CFH: variants seen among roughly 807,000 people sequenced by gnomAD.
CFH encodes the protein H factor 1 (complement).
In CFH, 53 loss-of-function variants were observed where a neutral mutation model predicts 147.3. The ratio of observed to expected loss-of-function variants is 0.36; its 90% confidence interval spans 0.29 to 0.45. The LOEUF (loss-of-function observed/expected upper bound fraction) is 0.45, where lower values mean the gene tolerates loss of function less well. CFH is among the 20% of genes least tolerant of loss of function. The probability of loss-of-function intolerance (pLI) is 1.00; values close to 1 mark genes in which losing one functional copy is unlikely to be tolerated. For missense variants in CFH, 1,380 were observed against 1,498.0 expected, an observed-to-expected ratio of 0.92 and a Z score of 1.30; for synonymous variants, 536 against 489.4, an observed-to-expected ratio of 1.10 and a Z score of -1.26.
chr1:196,652,459 T>C (rs182155903), intron 1 of CFH, among the ~76,000 whole-genome samples: 51 of 152,054 alleles, frequency 3.4e-4, no homozygotes, highest in African/African-American at 1.0e-3. Context: ...TCCCTTGTAA[T>C]TATCATAAAA....
rs971748610 is a variant in CFH, at chr1:196,733,591, TAC to T, written c.2414-3228_2414-3227del. 2.6e-4 allele frequency among the ~76,000 whole-genome samples: 39 copies of T among 152,054 alleles called. 1 individual carries two copies. Among genetic ancestry groups the T allele is most frequent in the Non-Finnish European group, 1.5e-4 (10 of 67,988 alleles). On this transcript the variant is annotated intron_variant, in intron 15 of 21. Transcript: ENST00000367429. ...GGGCAATGAAGCTCCTGGAAGTGCT[TAC>T]ACACCCATATAAAACGCCATTTCTT...
At chr1:196,738,621 C>T (rs1022849201) in intron 17 of CFH, among the ~76,000 whole-genome samples, 1 of 152,246 alleles carries the variant, frequency 6.6e-6, no homozygotes, top group Non-Finnish European at 1.5e-5. Flanking sequence ...ACATTCAGGT[C>T]ATGCTGATGC....
chr1:196,707,401 C>T (rs1009796531), intron 9 of CFH, among the ~76,000 whole-genome samples: 1 of 152,156 alleles, frequency 6.6e-6, no homozygotes, highest in African/African-American at 2.4e-5. Flanking sequence ...TGTACTTTAA[C>T]TACTATTCAC....
At chr1:196,689,295 A>T in intron 7 of CFH, 125 bp from the exon 8 acceptor site, 1 of 884,310 alleles carries the variant, frequency 1.1e-6, no homozygotes. Flanking sequence ...TTGACCTAGA[A>T]ACCCTAATGG....
At chr1:196,660,887 A>G (rs1262416525) in intron 1 of CFH, among the ~76,000 whole-genome samples, 1 of 152,204 alleles carries the variant, frequency 6.6e-6, no homozygotes, top group Non-Finnish European at 1.5e-5. Context: ...CTGGAAATAT[A>G]ATAATAACCA....
At chr1:196,726,433 C>T in intron 12 of CFH, 37 bp from the exon 13 acceptor site, 5 of 1,479,024 alleles carry the variant, frequency 3.4e-6, no homozygotes, top group South Asian at 1.2e-5. Context: ...GTAAAACAGA[C>T]AATTTAACCA....
rs1276225374 is a variant in CFH at position 196,741,956 on chromosome 1, A to G, written c.3038A>G (p.Gln1013Arg). ...AAGGATGTGTATAAGGCGGGTGAGC[A>G]AGTGACTTACACTTGTGCAACATAT... ...EKKDVYKAGE[Q>R]VTYTCATYYK... Residue 1013 changes from glutamine to arginine, a missense_variant, in exon 19 of 22, where the codon CAA becomes CGA. Transcript: ENST00000367429. 1 of 1,614,242 alleles carries G rather than the reference A, an allele frequency of 6.2e-7. No homozygotes were observed. The highest frequency in any genetic ancestry group is 1.1e-5 in the South Asian group (1 of 91,090).
intron 1 of CFH, among the ~76,000 whole-genome samples, chr1:196,653,228 G>A (rs1039181535): frequency 6.6e-6 from 1 of 151,594 alleles, no homozygotes; most frequent in Admixed American, 6.6e-5. Flanking sequence ...CTTTTGAAAG[G>A]TTGAATTATT....
At chr1:196,685,354 T>A in intron 7 of CFH, 117 bp downstream of exon 7, 2 of 1,072,492 alleles carry the variant, frequency 1.9e-6, no homozygotes, top group Non-Finnish European at 2.8e-6. Flanking sequence ...AAAGTAAGGC[T>A]GTTGGAAGCA....
chr1:196,743,973 G>A (rs1652911061), intron 20 of CFH, among the ~76,000 whole-genome samples: 1 of 152,116 alleles, frequency 6.6e-6, no homozygotes, highest in South Asian at 2.1e-4. Context: ...GGCAGTTGAA[G>A]AGAGATCATA....
chr1:196,661,181 A>T (rs1376152968), intron 1 of CFH, among the ~76,000 whole-genome samples: 5 of 152,250 alleles, frequency 3.3e-5, no homozygotes, highest in Non-Finnish European at 7.3e-5. Flanking sequence ...GTGGAATCAC[A>T]TATTATATGA....
At chr1:196,669,062 T>G (rs1172556526) in intron 1 of CFH, among the ~76,000 whole-genome samples, 1 of 152,058 alleles carries the variant, frequency 6.6e-6, no homozygotes, top group Non-Finnish European at 1.5e-5. Context: ...GCTGAGGTGG[T>G]CTCAGATGGG....
At chr1:196,689,188 A>C (rs1240010131) in intron 7 of CFH, among the ~76,000 whole-genome samples, 1 of 152,090 alleles carries the variant, frequency 6.6e-6, no homozygotes, top group Non-Finnish European at 1.5e-5. Context: ...CCTTCATACA[A>C]ATTTACGCAT....
intron 6 of CFH, among the ~76,000 whole-genome samples, chr1:196,682,447 T>C (rs1039850403): frequency 5.3e-5 from 8 of 151,740 alleles, no homozygotes; most frequent in African/African-American, 1.9e-4. Context: ...TTATGTCTAC[T>C]GCTTGAGCAT....
chr1:196,692,442 C>G (rs1437462687), intron 9 of CFH: 1 of 652,096 alleles, frequency 1.5e-6, no homozygotes, highest in Non-Finnish European at 1.9e-6. Context: ...ACAACTCAAT[C>G]AACGTTTATG....
At chr1:196,700,655 A>G (rs1401361261) in intron 9 of CFH, among the ~76,000 whole-genome samples, 1 of 147,798 alleles carries the variant, frequency 6.8e-6, no homozygotes, top group Non-Finnish European at 1.5e-5. Flanking sequence ...TTCCGTCTCA[A>G]AAAAAAAAAA....
At chr1:196,669,517 G>A (rs931657825) in intron 1 of CFH, among the ~76,000 whole-genome samples, 1 of 152,186 alleles carries the variant, frequency 6.6e-6, no homozygotes, top group South Asian at 2.1e-4. Context: ...TGCACCAGCT[G>A]CAGCCATGTC....
At chr1:196,729,953 T>C (rs555306737) in intron 15 of CFH, among the ~76,000 whole-genome samples, 13 of 152,082 alleles carry the variant, frequency 8.5e-5, no homozygotes, top group African/African-American at 2.9e-4. Context: ...ATCTCCGATC[T>C]TGTGTTTCTT....
intron 6 of CFH, among the ~76,000 whole-genome samples, chr1:196,682,386 T>A (rs571141923): frequency 6.6e-6 from 1 of 151,774 alleles, no homozygotes; most frequent in Non-Finnish European, 1.5e-5. Flanking sequence ...AATAACATGA[T>A]GTATTTTTAA....
Sources: allele counts gnomAD v4.1 joint callset (sites outside exome capture counted in the v4.1 genomes callset), GRCh38; gene constraint gnomAD v4.1.1; transcripts MANE v1.5; gene names NCBI Gene and HGNC (gene_info 2026-07-23, HGNC 2026-07-21).